Variants in GALNT13 observed in about 807,000 individuals in gnomAD.
GALNT13 encodes the protein UDP-GalNAc:polypeptide N-acetylgalactosaminyltransferase 13.
Under a neutral mutation model 64.2 loss-of-function variants are expected in GALNT13, and 28 were observed. That is an observed-to-expected ratio of 0.44 (90% CI 0.32 to 0.60). The LOEUF is 0.60. Ranked by LOEUF, GALNT13 falls within the 20% of genes least tolerant of loss-of-function variation. GALNT13 has a pLI of 0.05. For missense variants in GALNT13, 577 were observed against 669.8 expected, an observed-to-expected ratio of 0.86 and a Z score of 1.53; for synonymous variants, 214 against 224.6, an observed-to-expected ratio of 0.95 and a Z score of 0.42.
At chr2:153,399,881 T>C in the GALNT13 span, among the ~76,000 whole-genome samples, 1 of 151,550 alleles carries the variant, frequency 6.6e-6, no homozygotes, top group African/African-American at 2.4e-5. Flanking sequence ...CAGGGACAAT[T>C]TGACTTCCTC....
intron 3 of GALNT13, among the ~76,000 whole-genome samples, chr2:154,125,005 G>A (rs1682174662): frequency 6.6e-6 from 1 of 152,120 alleles, no homozygotes. Context: ...TCATTAGAAT[G>A]TCACTTAGTA....
upstream of GALNT13, among the ~76,000 whole-genome samples, chr2:153,867,467 C>A (rs941593715): frequency 6.6e-6 from 1 of 152,050 alleles, no homozygotes; most frequent in Non-Finnish European, 1.5e-5. Context: ...TAAATACACA[C>A]CTACTTATTT....
chr2:153,175,390 T>C, the GALNT13 span, among the ~76,000 whole-genome samples: 2 of 152,102 alleles, frequency 1.3e-5, no homozygotes, highest in Non-Finnish European at 2.9e-5. Context: ...AAGAGTGTAA[T>C]TTGCAAATTC....
chr2:153,562,702 T>C, the GALNT13 span, among the ~76,000 whole-genome samples: 1 of 152,182 alleles, frequency 6.6e-6, no homozygotes, highest in Non-Finnish European at 1.5e-5. Flanking sequence ...TAATTGAAAG[T>C]TATTTTGGTT....
At chr2:153,202,140 G>A in the GALNT13 span, among the ~76,000 whole-genome samples, 6 of 151,236 alleles carry the variant, frequency 4.0e-5, no homozygotes, top group African/African-American at 4.9e-5. Flanking sequence ...GCCCGCCACC[G>A]CGCCCGGCTA....
At chr2:153,574,720 T>C in the GALNT13 span, among the ~76,000 whole-genome samples, 1 of 151,928 alleles carries the variant, frequency 6.6e-6, no homozygotes, top group South Asian at 2.1e-4. Context: ...TCAATCTTTT[T>C]TTTTTTTTCA....
chr2:154,319,413 C>T (rs1694501305), intron 9 of GALNT13, among the ~76,000 whole-genome samples: 1 of 152,086 alleles, frequency 6.6e-6, no homozygotes, highest in South Asian at 2.1e-4. Flanking sequence ...CGCCTGTAAT[C>T]CCAGCATTTT....
chr2:154,180,485 A>G (rs965941204), intron 4 of GALNT13, among the ~76,000 whole-genome samples: 1 of 151,746 alleles, frequency 6.6e-6, no homozygotes, highest in African/African-American at 2.4e-5. Context: ...TTGCTGAAAG[A>G]TGTACGTTTC....
chr2:154,446,470 C>A, intron 12 of GALNT13: 1 of 1,273,088 alleles, frequency 7.9e-7, no homozygotes, highest in Non-Finnish European at 1.0e-6. Flanking sequence ...TGCCTTCCAT[C>A]TTTATCCAGT....
chr2:153,256,905 GT>G, the GALNT13 span, among the ~76,000 whole-genome samples: 1 of 152,232 alleles, frequency 6.6e-6, no homozygotes, highest in South Asian at 2.1e-4. Context: ...TTGTCTTTTT[GT>G]TTGTCTGTGC....
At chr2:153,522,565 G>T in the GALNT13 span, among the ~76,000 whole-genome samples, 4 of 152,112 alleles carry the variant, frequency 2.6e-5, no homozygotes, top group Non-Finnish European at 5.9e-5. Flanking sequence ...CATCCTAAAA[G>T]GAGTATAGTG....
intron 9 of GALNT13, among the ~76,000 whole-genome samples, chr2:154,327,768 A>G (rs1323927065): frequency 6.6e-6 from 1 of 152,138 alleles, no homozygotes; most frequent in Non-Finnish European, 1.5e-5. Flanking sequence ...TAAGGGATAC[A>G]CTGCTAACAA....
the GALNT13 span, among the ~76,000 whole-genome samples, chr2:153,098,944 C>T: frequency 3.9e-5 from 6 of 152,258 alleles, 1 homozygote; most frequent in East Asian, 5.8e-4. Flanking sequence ...GCATCTCTTT[C>T]AACTCACTGT....
At chr2:153,317,710 T>C in the GALNT13 span, among the ~76,000 whole-genome samples, 2 of 152,196 alleles carry the variant, frequency 1.3e-5, no homozygotes, top group Non-Finnish European at 2.9e-5. Context: ...ACCACCTTGT[T>C]TGATATTTTC....
At chr2:153,613,511 C>T in the GALNT13 span, among the ~76,000 whole-genome samples, 4 of 151,898 alleles carry the variant, frequency 2.6e-5, no homozygotes, top group African/African-American at 9.7e-5. Flanking sequence ...AAGAGTTTCC[C>T]CTTGAATAAT....
intron 4 of GALNT13, among the ~76,000 whole-genome samples, chr2:154,174,268 G>A (rs996512882): frequency 1.4e-4 from 22 of 152,066 alleles, no homozygotes; most frequent in Non-Finnish European, 2.9e-4. Flanking sequence ...TCAAATACTG[G>A]TATTCCTGTT....
the GALNT13 span, among the ~76,000 whole-genome samples, chr2:153,529,748 A>C: frequency 6.6e-6 from 1 of 152,114 alleles, no homozygotes; most frequent in Non-Finnish European, 1.5e-5. Flanking sequence ...GAATAGTTCA[A>C]CATATGCAAA....
At chr2:154,102,014 T>C (rs982443199) in intron 3 of GALNT13, among the ~76,000 whole-genome samples, 2 of 152,166 alleles carry the variant, frequency 1.3e-5, no homozygotes, top group Non-Finnish European at 2.9e-5. Flanking sequence ...AGGTACTTGA[T>C]ATGATTTTGA....
At chr2:153,115,401 G>A in the GALNT13 span, among the ~76,000 whole-genome samples, 1 of 152,166 alleles carries the variant, frequency 6.6e-6, no homozygotes, top group African/African-American at 2.4e-5. Context: ...ACATTAGAAA[G>A]TGTTGTCATC....
Sources: allele counts gnomAD v4.1 joint callset (sites outside exome capture counted in the v4.1 genomes callset), GRCh38; gene constraint gnomAD v4.1.1; transcripts MANE v1.5; gene names NCBI Gene and HGNC (gene_info 2026-07-23, HGNC 2026-07-21).